SBF1: variants seen among roughly 807,000 people sequenced by gnomAD.
SBF1 encodes myotubularin-related protein 5.
A neutral mutation model predicts 215.8 loss-of-function variants in SBF1; 65 were observed. The ratio of observed to expected loss-of-function variants is 0.30; its 90% CI spans 0.25 to 0.37. The LOEUF (loss-of-function observed/expected upper bound fraction) is 0.37, where lower values mean the gene tolerates loss of function less well. Among genes scored for constraint, SBF1 ranks in the 10% least tolerant of loss-of-function variants. SBF1 has a pLI of 1.00. For synonymous variants in SBF1, 1,410 were observed against 1,122.8 expected, an observed-to-expected ratio of 1.26 and a Z score of -5.11; for missense variants, 2,634 against 2,667.8, an observed-to-expected ratio of 0.99 and a Z score of 0.28.
At chr22:50,449,294 A>G (rs2066951884) in intron 36 of SBF1, among the ~76,000 whole-genome samples, 1 of 151,860 alleles carries the variant, frequency 6.6e-6, no homozygotes, top group African/African-American at 2.4e-5. Context: ...GAAATGAAAC[A>G]GGAGTTAGAA....
rs752249812 is a variant in SBF1, at chr22:50,464,982, G to T, written c.1332+19C>A. The T allele has an allele frequency of 6.2e-7, 1 of 1,613,944 alleles. No individual in the cohort carries two copies. Among genetic ancestry groups the T allele is most frequent in the Non-Finnish European group, 8.5e-7 (1 of 1,179,950 alleles). ...GCGGAGCCAGGGCAGGGGGCTGGGA[G>T]GGCAGGGTGGAGGTGCACCTCATCG... is the stretch of plus-strand genomic sequence containing the variant. On this transcript the variant is annotated intron_variant, in intron 12 of 40. Transcript: ENST00000380817.
chr22:50,460,396 C>G lies in SBF1; in HGVS notation c.3159G>C (p.Arg1053=). 2 of 1,611,722 alleles carry G rather than the reference C, an allele frequency of 1.2e-6. No homozygotes were observed. Among genetic ancestry groups the G allele is most frequent in the Non-Finnish European group, 1.7e-6 (2 of 1,178,588 alleles). ...DKGPSLRTLS[R]NLVKNAKKTI... ...TCTTCTTGGCGTTCTTGACCAGGTT[C>G]CGGGACAGGGTTCTGAGGCCCACGA... The change falls in exon 25 of 41, where the codon CGG becomes CGC. Residue 1053 remains arginine (R), a synonymous_variant. Transcript: ENST00000380817.
chr22:50,474,775 T>A lies in SBF1; in HGVS notation c.55+11A>T. 6.8e-7 allele frequency: 1 copy of A among 1,460,668 alleles called. No individual in the cohort carries two copies. Among genetic ancestry groups the A allele is most frequent in the Non-Finnish European group, 9.0e-7 (1 of 1,110,566 alleles). 90.5% of individuals were successfully genotyped at this position (1,460,668 alleles called of 1,614,324 possible). On this transcript the variant is annotated intron_variant, in intron 1 of 40. Transcript: ENST00000380817. ...GGCCCCCGGCCCTCAGCGCTTGGCC[T>A]CGGCACTCACCGCGCGGGTGCGGCC...
rs1238681423 is a variant in SBF1, at chr22:50,468,397, T to G, written c.120A>C (p.Pro40=). 1.9e-6 allele frequency: 3 copies of G among 1,613,054 alleles called. No individual in the cohort carries two copies. The highest frequency in any genetic ancestry group is 2.5e-6 in the Non-Finnish European group (3 of 1,179,490). Residue 40 remains proline, a synonymous_variant, in exon 2 of 41, where the codon CCA becomes CCC. Transcript: ENST00000380817. ...TCACCAGCTCGATGCCCTGGGGGAA[T>G]GGGTTGTCCTCCCAGTCCTTCTCTG... ...RFPEKDWEDN[P]FPQGIELFCQ... is the part of the protein sequence containing the mutation.
chr22:50,454,134 G>A (rs1258968116), intron 36 of SBF1, among the ~76,000 whole-genome samples: 1 of 152,236 alleles, frequency 6.6e-6, no homozygotes, highest in Non-Finnish European at 1.5e-5. Flanking sequence ...AGGTGGGGCA[G>A]GCGGTCTGGC....
chr22:50,463,167 A>C (rs1186267305), intron 16 of SBF1, 116 bp downstream of exon 16: 1 of 1,392,182 alleles, frequency 7.2e-7, no homozygotes, highest in Non-Finnish European at 1.0e-6. Context: ...ACCCCTGCCC[A>C]CTGGCACAGG....
At chr22:50,461,124 G>A in intron 23 of SBF1, 35 bp downstream of exon 23, 1 of 1,564,438 alleles carries the variant, frequency 6.4e-7, no homozygotes, top group Non-Finnish European at 8.7e-7. Flanking sequence ...GACCAGGGCG[G>A]GGGATGAGAG....
At position 50,449,625 on chromosome 22, in the gene SBF1, A is replaced by AACTC. The variant is rs1556417418; in HGVS notation, c.5044-976_5044-975insGAGT. 1.6e-3 allele frequency among the ~76,000 whole-genome samples: 235 copies of AACTC among 146,958 alleles called. 1 individual carries two copies. Among genetic ancestry groups the AACTC allele is most frequent in the African/African-American group, 5.6e-3 (222 of 39,714 alleles). The stretch of plus-strand genomic sequence containing the variant: ...GTGAGATTCTGTCTCAAAACACACA[A>AACTC]ACACACACACACACACACACACACA... On this transcript the variant is annotated intron_variant, in intron 36 of 40. Transcript: ENST00000380817.
chr22:50,456,145 C>T (rs901124676), intron 31 of SBF1, 71 bp downstream of exon 31: 15 of 1,505,006 alleles, frequency 1.0e-5, no homozygotes, highest in Admixed American at 5.6e-5. Context: ...AACCTAGACC[C>T]GTCCACTTGG....
At chr22:50,447,662 C>A in intron 38 of SBF1, 53 bp from the exon 39 acceptor site, 1 of 1,366,308 alleles carries the variant, frequency 7.3e-7, no homozygotes. Flanking sequence ...CCAGCCAAGC[C>A]CAGGCCCCAG....
chr22:50,460,837 G>C, intron 23 of SBF1, 125 bp from the exon 24 acceptor site: 1 of 1,087,922 alleles, frequency 9.2e-7, no homozygotes, highest in Non-Finnish European at 1.3e-6. Flanking sequence ...CCCAGGCAAA[G>C]GCCTGTATCT....
chr22:50,462,444 G>C lies in SBF1; in HGVS notation c.2157C>G (p.Asp719Glu). 6.2e-7 allele frequency: 1 copy of C among 1,613,852 alleles called. No homozygotes were observed. The highest frequency in any genetic ancestry group is 8.5e-7 in the Non-Finnish European group (1 of 1,179,958). Reference protein sequence around the residue: ...QEVGEAPSQEDERSALDVASE... With the variant: ...QEVGEAPSQEEERSALDVASE... ...AAGCCACGTCTAGGGCAGAGCGCTC[G>C]TCCTCCTGGGAAGGTGCCTCCCCAA... The change falls in exon 19 of 41, where the codon GAC becomes GAG. Residue 719 changes from aspartate (D) to glutamate (E), a missense_variant. Physicochemically the swap from Asp to Glu is conservative, Grantham distance 45. Coordinates refer to ENST00000380817, the MANE Select transcript of SBF1 (RefSeq NM_002972.4).
chr22:50,459,706 A>G lies in SBF1; in HGVS notation c.3492-40T>C, dbSNP rs371460025. The G allele has an allele frequency of 6.3e-4, 963 of 1,528,000 alleles. 10 individuals carry two copies. The African/African-American group carries it at 0.012, about 19-fold the overall frequency. 94.7% of individuals were successfully genotyped at this position (1,528,000 alleles called of 1,614,324 possible). On this transcript the variant is annotated intron_variant, in intron 26 of 40. Coordinates refer to ENST00000380817, the MANE Select transcript of SBF1 (RefSeq NM_002972.4). ...AGGCGTGAAGGTGGCTGGCGACCCCACCCGCCTCCAGGCTCACGCCCCAAG... is the reference window on the plus strand; with the variant it reads ...AGGCGTGAAGGTGGCTGGCGACCCCGCCCGCCTCCAGGCTCACGCCCCAAG...
chr22:50,453,615 G>A (rs11703397), intron 36 of SBF1, among the ~76,000 whole-genome samples: 22,069 of 151,908 alleles, frequency 0.15, 1,731 homozygotes, highest in East Asian at 0.28. Flanking sequence ...GTAAAACCCC[G>A]TCTCCACTAA....
chr22:50,466,097 G>C, intron 8 of SBF1, 23 bp from the exon 9 acceptor site: 1 of 1,613,220 alleles, frequency 6.2e-7, no homozygotes, highest in Non-Finnish European at 8.5e-7. Flanking sequence ...GGAGCCGGCA[G>C]TCAGGGACCT....
rs771772128 is a variant in SBF1, at chr22:50,459,353, T to G, written c.3728A>C (p.Lys1243Thr). The G allele has an allele frequency of 1.2e-5, 20 of 1,612,598 alleles. No homozygotes were observed. In the South Asian group the frequency reaches 2.2e-4, roughly 18 times the overall value. ...GGAGCTGACCACAGCCTGCAGGTACTTCTCCTGCTCCAGGCTACTCGAGTC... is the reference window on the plus strand; with the variant it reads ...GGAGCTGACCACAGCCTGCAGGTACGTCTCCTGCTCCAGGCTACTCGAGTC... ...QADSSSLEQEKYLQAVVSSMP... is the reference protein window; with the variant it reads ...QADSSSLEQETYLQAVVSSMP... The change falls in exon 28 of 41, where the codon AAG becomes ACG. Residue 1243 changes from lysine (K) to threonine (T), a missense_variant. Lys to Thr is a moderately conservative substitution (Grantham distance 78). Transcript: ENST00000380817.
At chr22:50,472,834 C>T (rs572084645) in intron 1 of SBF1, among the ~76,000 whole-genome samples, 2 of 152,268 alleles carry the variant, frequency 1.3e-5, no homozygotes, top group East Asian at 3.9e-4. Context: ...TGAACAAGTC[C>T]TTCTAAGGGG....
At chr22:50,452,604 T>C (rs571400482) in intron 36 of SBF1, among the ~76,000 whole-genome samples, 17 of 151,028 alleles carry the variant, frequency 1.1e-4, no homozygotes, top group South Asian at 4.2e-4. Context: ...GTGCCTCTAA[T>C]CCCAGCTACT....
chr22:50,455,621 C>T (rs1473401013), intron 31 of SBF1, 39 bp from the exon 32 acceptor site: 1 of 1,515,844 alleles, frequency 6.6e-7, no homozygotes, highest in Non-Finnish European at 9.0e-7. Context: ...GGGGACCCAC[C>T]GCCCTCCCGC....
Sources: gnomAD v4.1 joint callset for allele counts (sites outside exome capture counted in the v4.1 genomes callset) on GRCh38, gnomAD v4.1.1 for gene constraint, MANE v1.5 for transcripts, NCBI Gene and HGNC (gene_info 2026-07-23, HGNC 2026-07-21) for gene names.